ZBTB20: variants seen among roughly 807,000 people sequenced by gnomAD.
ZBTB20 encodes zinc finger and BTB domain-containing protein 20.
A neutral mutation model predicts 56.9 loss-of-function variants in ZBTB20; 9 were observed. The ratio of observed to expected loss-of-function variants is 0.16; its 90% CI spans 0.10 to 0.28. The LOEUF (loss-of-function observed/expected upper bound fraction) is 0.28, where lower values mean the gene tolerates loss of function less well. Ranked by LOEUF, ZBTB20 falls within the 10% of genes least tolerant of loss-of-function variation. The pLI, the probability that ZBTB20 is intolerant of heterozygous loss-of-function variation, is 1.00. For synonymous variants in ZBTB20, 417 were observed against 420.7 expected (o/e 0.99, Z 0.11); for missense variants, 655 against 1,003.0 (o/e 0.65, Z 4.69).
chr3:114,603,935 T>C (rs1171748677), intron 6 of ZBTB20, among the ~76,000 whole-genome samples: 1 of 152,070 alleles, frequency 6.6e-6, no homozygotes, highest in Non-Finnish European at 1.5e-5. Context: ...GGTACTTTTA[T>C]ATATGCCAAT....
intron 3 of ZBTB20, among the ~76,000 whole-genome samples, chr3:114,912,130 GAAA>G (rs10575416): frequency 5.6e-4 from 77 of 136,682 alleles, no homozygotes; most frequent in East Asian, 2.3e-3. Context: ...AGTGCTAAAA[GAAA>G]AAAAAAAAAA....
In ZBTB20 at chr3:115,000,945, A is replaced by T. The variant is rs72960379; in HGVS notation, c.-506-26529T>A. Among the ~76,000 whole-genome samples, 894 of 151,626 alleles carry T rather than the reference A, an allele frequency of 5.9e-3. 11 individuals are homozygous for T. The highest frequency in any genetic ancestry group is 0.021 in the African/African-American group (865 of 41,460). On this transcript the variant is annotated intron_variant, in intron 2 of 11. Coordinates refer to ENST00000675478, the MANE Select transcript of ZBTB20 (RefSeq NM_001348800.3). ...TTCTTGCAACAAGAGAATACCATCA[A>T]TACTAGCAGGGACATGCTTATGTCT...
At chr3:114,906,903 T>G (rs1331498304) in intron 3 of ZBTB20, among the ~76,000 whole-genome samples, 4 of 151,782 alleles carry the variant, frequency 2.6e-5, no homozygotes, top group African/African-American at 9.7e-5. Flanking sequence ...GATTTCAACA[T>G]GATACAAAAA....
At chr3:114,565,401 C>A (rs1007693342) in intron 6 of ZBTB20, among the ~76,000 whole-genome samples, 1 of 152,166 alleles carries the variant, frequency 6.6e-6, no homozygotes, top group African/African-American at 2.4e-5. Flanking sequence ...TGGCACCTTG[C>A]CCCGAATTTC....
intron 6 of ZBTB20, among the ~76,000 whole-genome samples, chr3:114,506,257 C>T (rs999940388): frequency 1.3e-5 from 2 of 151,988 alleles, no homozygotes; most frequent in African/African-American, 4.8e-5. Flanking sequence ...AATGGCCTGC[C>T]TTCAAAATTT....
intron 1 of ZBTB20, among the ~76,000 whole-genome samples, chr3:115,110,757 G>A (rs1206643615): frequency 6.6e-6 from 1 of 152,172 alleles, no homozygotes; most frequent in African/African-American, 2.4e-5. Context: ...GGGAGGCCAA[G>A]GCAGGTGGAT....
At chr3:114,550,627 T>C (rs910742665) in intron 6 of ZBTB20, among the ~76,000 whole-genome samples, 3 of 152,234 alleles carry the variant, frequency 2.0e-5, no homozygotes, top group Non-Finnish European at 4.4e-5. Context: ...TTACTTTTTA[T>C]AAAGAAAGTT....
chr3:114,406,086 C>T (rs377106835), intron 7 of ZBTB20, among the ~76,000 whole-genome samples: 1 of 151,548 alleles, frequency 6.6e-6, no homozygotes, highest in East Asian at 1.9e-4. Flanking sequence ...ACAAAGTGCA[C>T]TTTTGGAAAG....
chr3:114,980,768 T>C (rs2078294017), intron 2 of ZBTB20, among the ~76,000 whole-genome samples: 1 of 151,974 alleles, frequency 6.6e-6, no homozygotes, highest in Non-Finnish European at 1.5e-5. Context: ...AATCACCATT[T>C]TCTCCAGATA....
chr3:114,368,729 A>G (rs1236460367), intron 10 of ZBTB20, among the ~76,000 whole-genome samples: 4 of 152,222 alleles, frequency 2.6e-5, no homozygotes, highest in African/African-American at 9.6e-5. Context: ...GCAGGGCTGG[A>G]AGTGGGGGCA....
At chr3:114,360,106 T>TA (rs549101588) in intron 10 of ZBTB20, among the ~76,000 whole-genome samples, 342 of 139,796 alleles carry the variant, frequency 2.4e-3, no homozygotes, top group African/African-American at 4.8e-3. Context: ...ATAGTGTCAT[T>TA]AAAAAAAAAA....
chr3:115,023,227 T>C (rs1360043811), intron 2 of ZBTB20, among the ~76,000 whole-genome samples: 1 of 151,010 alleles, frequency 6.6e-6, no homozygotes, highest in African/African-American at 2.4e-5. Flanking sequence ...AGTTGTTCAA[T>C]GTAGAATAGG....
rs1576508058 is a variant in ZBTB20, at chr3:114,991,962, T to A, written c.-506-17546A>T. On this transcript the variant is annotated intron_variant, in intron 2 of 11. Coordinates refer to ENST00000675478, the MANE Select transcript of ZBTB20 (RefSeq NM_001348800.3). ...TTTTGTTTTCCATTTGCTCCGTAGATCTTCCTCCATCCCTTTATTTTGAGC... is the reference window on the plus strand; with the variant it reads ...TTTTGTTTTCCATTTGCTCCGTAGAACTTCCTCCATCCCTTTATTTTGAGC... Among the ~76,000 whole-genome samples, 5 of 152,174 alleles carry A rather than the reference T, an allele frequency of 3.3e-5. No individual in the cohort carries two copies. In the Middle Eastern group the frequency reaches 0.014, roughly 414 times the overall value.
intron 1 of ZBTB20, among the ~76,000 whole-genome samples, chr3:115,146,929 C>A (rs2085005141): frequency 6.6e-6 from 1 of 151,478 alleles, no homozygotes; most frequent in Non-Finnish European, 1.5e-5. Flanking sequence ...CCTCCCACCT[C>A]CCCGCCGGGT....
chr3:114,621,101 ATTTC>A (rs2058288825), intron 6 of ZBTB20, among the ~76,000 whole-genome samples: 2 of 152,284 alleles, frequency 1.3e-5, no homozygotes, highest in African/African-American at 4.8e-5. Context: ...ATATCAATTA[ATTTC>A]TTTCTACTTA....
At chr3:115,034,104 T>C (rs1259269717) in intron 2 of ZBTB20, among the ~76,000 whole-genome samples, 1 of 151,514 alleles carries the variant, frequency 6.6e-6, no homozygotes, top group Non-Finnish European at 1.5e-5. Context: ...CCTAACATAA[T>C]AAAATCCATG....
intron 6 of ZBTB20, among the ~76,000 whole-genome samples, chr3:114,538,138 T>TA (rs906524658): frequency 2.6e-5 from 4 of 151,732 alleles, no homozygotes; most frequent in Non-Finnish European, 4.4e-5. Flanking sequence ...ATAATAATAA[T>TA]AAAAAAAAGA....
chr3:114,740,656 A>T (rs910788900), intron 5 of ZBTB20, among the ~76,000 whole-genome samples: 2 of 152,204 alleles, frequency 1.3e-5, no homozygotes, highest in Non-Finnish European at 2.9e-5. Flanking sequence ...GAATTTAATG[A>T]ACAAAAAATG....
chr3:114,961,197 C>A, intron 3 of ZBTB20, among the ~76,000 whole-genome samples: 1 of 149,922 alleles, frequency 6.7e-6, no homozygotes, highest in East Asian at 1.9e-4. Flanking sequence ...TATTACCCAC[C>A]ATACTCGTTT....
Sources: allele counts gnomAD v4.1 joint callset (sites outside exome capture counted in the v4.1 genomes callset), GRCh38; gene constraint gnomAD v4.1.1; transcripts MANE v1.5; gene names NCBI Gene and HGNC (gene_info 2026-07-23, HGNC 2026-07-21).